Variants in LPIN2 observed in about 807,000 individuals in gnomAD.
LPIN2 encodes phosphatidate phosphatase LPIN2.
In LPIN2, 55 loss-of-function variants were observed where a neutral mutation model predicts 111.4. The ratio of observed to expected loss-of-function variants is 0.49; its 90% CI spans 0.40 to 0.62. The LOEUF (loss-of-function observed/expected upper bound fraction) is 0.62, where lower values mean the gene tolerates loss of function less well. Among genes scored for constraint, LPIN2 ranks in the 20% least tolerant of loss-of-function variants. LPIN2 has a pLI of 0.00. For missense variants in LPIN2, 992 were observed against 1,112.1 expected (o/e 0.89, Z 1.54); for synonymous variants, 425 against 414.0 (o/e 1.03, Z -0.32).
rs1011048185 is a variant in LPIN2, at chr18:2,917,964, C to T, written c.*2329G>A. 1 of 152,240 alleles carries T rather than the reference C, an allele frequency of 6.6e-6. No homozygotes were observed. The highest frequency in any genetic ancestry group is 2.4e-5 in the African/African-American group (1 of 41,464). 9.4% of individuals were successfully genotyped at this position (152,240 alleles called of 1,614,324 possible). ...TGTGTACAAACACACTCGAGGGCAT[C>T]TCTTTCACAGAAAGAACAAATGTCA... On this transcript the variant is annotated 3_prime_UTR_variant, in exon 20 of 20. Coordinates refer to ENST00000677752, the MANE Select transcript of LPIN2 (RefSeq NM_001375808.2).
intron 2 of LPIN2, 40 bp downstream of exon 2, chr18:2,960,609 G>C (rs762510593): frequency 1.3e-6 from 2 of 1,594,244 alleles, no homozygotes; most frequent in African/African-American, 2.7e-5. Flanking sequence ...CTTTCTCTTT[G>C]AATCTCAGGA....
At position 2,923,818 on chromosome 18, in the gene LPIN2, A is replaced by T; in HGVS notation, c.2131T>A (p.Trp711Arg). Reference protein sequence around the residue: ...GQILPQLGKDWTHQGIAKLYH... With the variant: ...GQILPQLGKDRTHQGIAKLYH... ...AGCTTTGCTATACCCTGGTGGGTCC[A>T]GTCTTTGCCCAGCTGTGGGAGAATC... Residue 711 changes from tryptophan to arginine, a missense_variant, in exon 16 of 20, where the codon TGG becomes AGG. Physicochemically the swap from Trp to Arg is moderately radical, Grantham distance 101 (BLOSUM62 -3). This residue lies in a region of LPIN2 where 31 missense variants were observed against 60.3 expected (regional missense o/e 0.51). Transcript: ENST00000677752. The T allele has an allele frequency of 6.2e-7, 1 of 1,614,212 alleles. No homozygotes were observed. Among genetic ancestry groups the T allele is most frequent in the Non-Finnish European group, 8.5e-7 (1 of 1,180,028 alleles).
intron 16 of LPIN2, 62 bp from the exon 17 acceptor site, chr18:2,922,261 C>CAA (rs140067239): frequency 1.6e-5 from 22 of 1,362,166 alleles, no homozygotes; most frequent in South Asian, 2.7e-5. Context: ...AAACAAAAAA[C>CAA]AAAAAAAAAA....
At chr18:2,992,141 T>C (rs2078275547) in intron 1 of LPIN2, among the ~76,000 whole-genome samples, 1 of 152,218 alleles carries the variant, frequency 6.6e-6, no homozygotes, top group African/African-American at 2.4e-5. Flanking sequence ...GGCAGCATTA[T>C]TCACAACAGC....
chr18:2,983,691 G>A lies in LPIN2; in HGVS notation c.-9-22842C>T, dbSNP rs1330595498. Among the ~76,000 whole-genome samples, 3 of 151,754 alleles carry A rather than the reference G, an allele frequency of 2.0e-5. No homozygotes were observed. The East Asian group carries it at 5.8e-4, about 29-fold the overall frequency. ...ACACTGGATTTCCATGACTAAGAAT[G>A]AAAAGAGAATAAAAAAACTCATAAT... On this transcript the variant is annotated intron_variant, in intron 1 of 19. Coordinates refer to ENST00000677752, the MANE Select transcript of LPIN2 (RefSeq NM_001375808.2).
intron 1 of LPIN2, among the ~76,000 whole-genome samples, chr18:2,970,812 A>C (rs1306115975): frequency 6.6e-6 from 1 of 152,234 alleles, no homozygotes; most frequent in Non-Finnish European, 1.5e-5. Context: ...AGGGCTGATA[A>C]GTTTTAAATT....
intron 5 of LPIN2, 98 bp downstream of exon 5, chr18:2,940,507 A>T: frequency 1.4e-6 from 1 of 725,018 alleles, no homozygotes. Context: ...TGGCTGTGTG[A>T]GAGAAATGGG....
chr18:2,983,947 G>C (rs887034327), intron 1 of LPIN2, among the ~76,000 whole-genome samples: 1 of 152,104 alleles, frequency 6.6e-6, no homozygotes, highest in African/African-American at 2.4e-5. Flanking sequence ...CAAGTTATAG[G>C]TAAGGAAGAA....
chr18:2,961,481 A>G (rs1447137559), intron 1 of LPIN2, among the ~76,000 whole-genome samples: 1 of 152,206 alleles, frequency 6.6e-6, no homozygotes, highest in Admixed American at 6.5e-5. Context: ...AACTAACTGG[A>G]ACATGCAATC....
intron 9 of LPIN2, among the ~76,000 whole-genome samples, chr18:2,929,793 C>A (rs2077188146): frequency 6.6e-6 from 1 of 152,090 alleles, no homozygotes; most frequent in Non-Finnish European, 1.5e-5. Context: ...GTAATTCCAG[C>A]TACTTGGGAG....
At chr18:2,927,576 G>A (rs983455855) in intron 12 of LPIN2, 146 bp downstream of exon 12, 38 of 764,844 alleles carry the variant, frequency 5.0e-5, no homozygotes, top group South Asian at 3.9e-4. Context: ...ACACCTGCAC[G>A]TCCTAAGTGC....
chr18:2,986,560 A>AAAAAG (rs1567855015), intron 1 of LPIN2, among the ~76,000 whole-genome samples: 1 of 151,784 alleles, frequency 6.6e-6, no homozygotes, highest in Non-Finnish European at 1.5e-5. Flanking sequence ...AAAAAAAAAA[A>AAAAAG]AAAGAAAGAC....
At chr18:2,992,791 G>A (rs2078284210) in intron 1 of LPIN2, among the ~76,000 whole-genome samples, 1 of 151,958 alleles carries the variant, frequency 6.6e-6, no homozygotes, top group Non-Finnish European at 1.5e-5. Context: ...AGACCGTCCT[G>A]GCTAACACAG....
chr18:2,955,574 GA>G (rs1163787390), intron 2 of LPIN2, among the ~76,000 whole-genome samples: 4 of 152,106 alleles, frequency 2.6e-5, no homozygotes, highest in Non-Finnish European at 5.9e-5. Flanking sequence ...ACTTGGAGGG[GA>G]CATCCAAACC....
At position 2,923,872 on chromosome 18, in the gene LPIN2, G is replaced by C; in HGVS notation, c.2088-11C>G. 6.2e-7 allele frequency: 1 copy of C among 1,609,672 alleles called. No homozygotes were observed. Among genetic ancestry groups the C allele is most frequent in the Non-Finnish European group, 8.5e-7 (1 of 1,176,014 alleles). On this transcript the variant is annotated splice_polypyrimidine_tract_variant and intron_variant, in intron 15 of 19. Coordinates refer to ENST00000677752, the MANE Select transcript of LPIN2 (RefSeq NM_001375808.2). ...CCCAAAGCATCCGACCTAAGAAGAC[G>C]GTAGAAACAGGAAAAGCTATCAGGA...
intron 4 of LPIN2, among the ~76,000 whole-genome samples, chr18:2,943,773 T>C (rs538547794): frequency 6.6e-6 from 1 of 152,262 alleles, no homozygotes; most frequent in African/African-American, 2.4e-5. Flanking sequence ...CTGCCCAGAG[T>C]TTCTTGTCAT....
chr18:2,947,407 A>G (rs1453248471), intron 4 of LPIN2, among the ~76,000 whole-genome samples: 1 of 152,210 alleles, frequency 6.6e-6, no homozygotes, highest in African/African-American at 2.4e-5. Context: ...CAAGGCTTCT[A>G]TGTTATATTT....
chr18:2,980,092 T>C (rs959888201), intron 1 of LPIN2, among the ~76,000 whole-genome samples: 2 of 152,280 alleles, frequency 1.3e-5, no homozygotes, highest in African/African-American at 4.8e-5. Context: ...TTACTAGCTA[T>C]GGAGAGTGGG....
chr18:2,960,934 A>G, intron 1 of LPIN2, 85 bp from the exon 2 acceptor site: 1 of 1,078,100 alleles, frequency 9.3e-7, no homozygotes, highest in Non-Finnish European at 1.4e-6. Flanking sequence ...CAAAAATGAC[A>G]CTACTCACTT....
Sources: gnomAD v4.1 joint callset for allele counts (sites outside exome capture counted in the v4.1 genomes callset) on GRCh38, gnomAD v4.1.1 for gene constraint, gnomAD v4.1.1 regional missense constraint, MANE v1.5 for transcripts, NCBI Gene and HGNC (gene_info 2026-07-23, HGNC 2026-07-21) for gene names.